HSPA5: variants seen among roughly 807,000 people sequenced by gnomAD.
The protein encoded by HSPA5 is heat shock protein family A (Hsp70) member 5.
Under a neutral mutation model 49.5 loss-of-function variants are expected in HSPA5, and 16 were observed. That is an observed-to-expected ratio of 0.32 (90% CI 0.22 to 0.49). HSPA5 has a LOEUF of 0.49. Ranked by LOEUF, HSPA5 falls within the 20% of genes least tolerant of loss-of-function variation. The probability of loss-of-function intolerance (pLI) is 0.99; values close to 1 mark genes in which losing one functional copy is unlikely to be tolerated. For synonymous variants in HSPA5, 271 were observed against 307.2 expected, an observed-to-expected ratio of 0.88 and a Z score of 1.23; for missense variants, 376 against 819.0, an observed-to-expected ratio of 0.46 and a Z score of 6.60.
chr9:125,237,876 C>T (rs1444757833), intron 7 of HSPA5, among the ~76,000 whole-genome samples: 1 of 151,826 alleles, frequency 6.6e-6, no homozygotes, highest in Non-Finnish European at 1.5e-5. Flanking sequence ...TGGAGGCAGG[C>T]AGATGACCTG....
rs571514817 is a variant in HSPA5, at chr9:125,240,450, T to C, written c.355-141A>G. On this transcript the variant is annotated intron_variant, in intron 2 of 7. Transcript: ENST00000324460. The surrounding 1 kb of genome is among the most constrained non-coding windows in gnomAD (Gnocchi z 4.4). ...CTAGAAATACTTCAGGGAGTATAGG[T>C]GTCTTACAAAGTTCAGTTTTAATCG... 86 of 783,194 alleles carry C rather than the reference T, an allele frequency of 1.1e-4. 1 individual carries two copies. In the African/African-American group the frequency reaches 1.5e-3, roughly 13 times the overall value. The allele number at this position is 783,194 out of a possible 1,614,324, so 48.5% of individuals were successfully genotyped here. A position where few individuals can be genotyped will look rare whatever the true frequency, so the allele number is the denominator to read the frequency against.
At position 125,241,159 on chromosome 9, in the gene HSPA5, C is replaced by T. The variant is rs1475147053; in HGVS notation, c.-33G>A. On this transcript the variant is annotated 5_prime_UTR_variant, in exon 1 of 8. Coordinates refer to ENST00000324460, the MANE Select transcript of HSPA5 (RefSeq NM_005347.5). Reference sequence around the variant, plus strand: ...GCCAGTTGGGCAGCAGCAGGCAGTCCAGCCACAGGCCGTAGCACAGGAGCA... The same window carrying T: ...GCCAGTTGGGCAGCAGCAGGCAGTCTAGCCACAGGCCGTAGCACAGGAGCA... 6.2e-7 allele frequency: 1 copy of T among 1,600,614 alleles called. No individual in the cohort carries two copies. Among genetic ancestry groups the T allele is most frequent in the Non-Finnish European group, 8.5e-7 (1 of 1,174,756 alleles).
chr9:125,238,330 C>CT, intron 6 of HSPA5, 22 bp from the exon 7 acceptor site: 1 of 1,604,490 alleles, frequency 6.2e-7, no homozygotes, highest in East Asian at 2.2e-5. Flanking sequence ...AGTTATTTAA[C>CT]TTTTAATTCA....
chr9:125,239,035 G>A lies in HSPA5; in HGVS notation c.902C>T (p.Ser301Phe). The A allele has an allele frequency of 6.2e-7, 1 of 1,614,164 alleles. No individual in the cohort carries two copies. The highest frequency in any genetic ancestry group is 2.2e-5 in the East Asian group (1 of 44,874). The change falls in exon 5 of 8, where the codon TCT (serine) becomes TTT (phenylalanine). Residue 301 changes from serine to phenylalanine, a missense_variant. By Grantham distance (155) the Ser-to-Phe change is radical. This residue lies in a region of HSPA5 where 89 missense variants were observed against 155.9 expected (regional missense o/e 0.57). Transcript: ENST00000324460. The surrounding 1 kb of genome is among the most constrained non-coding windows in gnomAD (Gnocchi z 5.5). ...AATTTCAATTCTTGCTTGATGCTGA[G>A]AAGACAGGGCCCGTTTGGCCTTTTC... Reference protein sequence around the residue: ...EVEKAKRALSSQHQARIEIES... With the variant: ...EVEKAKRALSFQHQARIEIES...
In HSPA5 at chr9:125,240,836, T is replaced by A. The variant is rs377512653; in HGVS notation, c.194A>T (p.Tyr65Phe). Residue 65 changes from tyrosine to phenylalanine, a missense_variant, in exon 2 of 8, where the codon TAT becomes TTT. Physicochemically the swap from Tyr to Phe is conservative, Grantham distance 22. Around this residue, in one of 8 missense-constraint regions of HSPA5, gnomAD observed 89 missense variants for 200.0 expected, o/e 0.44. Coordinates refer to ENST00000324460, the MANE Select transcript of HSPA5 (RefSeq NM_005347.5). The surrounding 1 kb of genome is among the most constrained non-coding windows in gnomAD (Gnocchi z 4.4). The part of the protein sequence containing the change: ...NDQGNRITPS[Y>F]VAFTPEGERL... ...TTCCCCTTCAGGAGTGAAGGCGACA[T>A]AGGACGGCGTGATGCGGTTGCCCTG... 11 of 1,614,062 alleles carry A rather than the reference T, an allele frequency of 6.8e-6. No homozygotes were observed. Among genetic ancestry groups the A allele is most frequent in the Non-Finnish European group, 9.3e-6 (11 of 1,180,038 alleles).
rs1326845444 is a variant in HSPA5 at position 125,241,207 on chromosome 9, G to A, written c.-81C>T. The A allele has an allele frequency of 7.2e-5, 109 of 1,511,004 alleles. No individual in the cohort carries two copies. Among genetic ancestry groups the A allele is most frequent in the Non-Finnish European group, 9.3e-5 (105 of 1,125,984 alleles). 93.6% of individuals were successfully genotyped at this position (1,511,004 alleles called of 1,614,324 possible). Reference sequence around the variant, plus strand: ...GCACAGCGCAATTTCCGACTTGCAGGCGGCAGGGGCCCGGGGTCACAAGGC... The same window carrying A: ...GCACAGCGCAATTTCCGACTTGCAGACGGCAGGGGCCCGGGGTCACAAGGC... On this transcript the variant is annotated 5_prime_UTR_variant, in exon 1 of 8. Transcript: ENST00000324460.
rs887012804 is a variant in HSPA5, at chr9:125,235,111, A to C, written c.*1481T>G. 6.6e-6 allele frequency: 1 copy of C among 152,134 alleles called. No homozygotes were observed. The highest frequency in any genetic ancestry group is 2.4e-5 in the African/African-American group (1 of 41,424). The allele number at this position is 152,134 out of a possible 1,614,324, so 9.4% of individuals were successfully genotyped here. On this transcript the variant is annotated 3_prime_UTR_variant, in exon 8 of 8. Transcript: ENST00000324460. ...TGCAGCTGAGGCCTAGGTCTAATTA[A>C]GAGTTTGGTGTTGGGATCCAGTTCT...
In HSPA5 at chr9:125,234,880, A is replaced by G. The variant is rs1832465676; in HGVS notation, c.*1712T>C. The G allele has an allele frequency of 6.6e-6, 1 of 152,100 alleles. No homozygotes were observed. The allele number at this position is 152,100 out of a possible 1,614,324, so 9.4% of individuals were successfully genotyped here. ...GAAGTCTATCTTTTTAATATTCAGTAACAGCTCCTCAGAAAGAGTTACAGA... is the reference window on the plus strand; with the variant it reads ...GAAGTCTATCTTTTTAATATTCAGTGACAGCTCCTCAGAAAGAGTTACAGA... On this transcript the variant is annotated 3_prime_UTR_variant, in exon 8 of 8. Transcript: ENST00000324460.
Position 125,241,258 on chromosome 9 carries a change from C to G in HSPA5, c.-132G>C. 9.6e-7 allele frequency: 1 copy of G among 1,045,162 alleles called. No homozygotes were observed. Among genetic ancestry groups the G allele is most frequent in the Non-Finnish European group, 1.4e-6 (1 of 722,770 alleles). The allele number at this position is 1,045,162 out of a possible 1,614,324, so 64.7% of individuals were successfully genotyped here. A position where few individuals can be genotyped will look rare whatever the true frequency, so the allele number is the denominator to read the frequency against. The stretch of plus-strand genomic sequence containing the variant: ...GCCACGAACCAGGCGAAGGGCAGGT[C>G]TAGAAATACAGGCCGCGGCGCTTCC... On this transcript the variant is annotated 5_prime_UTR_variant, in exon 1 of 8. Transcript: ENST00000324460.
Position 125,237,092 on chromosome 9 carries a change from G to T in HSPA5, c.1465C>A (p.Pro489Thr). The change falls in exon 8 of 8, where the codon CCT becomes ACT. Residue 489 changes from proline to threonine, a missense_variant. Around this residue, in one of 8 missense-constraint regions of HSPA5, gnomAD observed 71 missense variants for 169.9 expected, o/e 0.42. Transcript: ENST00000324460. Reference protein sequence around the residue: ...LGTFDLTGIPPAPRGVPQIEV... With the variant: ...LGTFDLTGIPTAPRGVPQIEV... ...ATCTGTGGGACCCCACGAGGAGCAG[G>T]AGGAATTCCAGTCAGATCAAATGTA... 1 of 1,613,628 alleles carries T rather than the reference G, an allele frequency of 6.2e-7. No homozygotes were observed. Among genetic ancestry groups the T allele is most frequent in the Non-Finnish European group, 8.5e-7 (1 of 1,179,632 alleles).
rs765533290 is a variant in HSPA5, at chr9:125,240,254, G to A, written c.410C>T (p.Thr137Ile). 6.2e-7 allele frequency: 1 copy of A among 1,611,466 alleles called. No individual in the cohort carries two copies. Among genetic ancestry groups the A allele is most frequent in the Non-Finnish European group, 8.5e-7 (1 of 1,178,032 alleles). Residue 137 changes from threonine to isoleucine, a missense_variant, in exon 3 of 8, where the codon ACA becomes ATA. Physicochemically the swap from Thr to Ile is moderately conservative, Grantham distance 89 (BLOSUM62 -1). Coordinates refer to ENST00000324460, the MANE Select transcript of HSPA5 (RefSeq NM_005347.5). The surrounding 1 kb of genome is among the most constrained non-coding windows in gnomAD (Gnocchi z 4.4). Reference protein sequence around the residue: ...YIQVDIGGGQTKTFAPEEISA... With the variant: ...YIQVDIGGGQIKTFAPEEISA... ...AATTTCTTCAGGAGCAAATGTCTTT[G>A]TTTGCCCACCTCCAATATCAACTTG...
chr9:125,241,139 T>C lies in HSPA5; in HGVS notation c.-13A>G, dbSNP rs930251940. ...GGGAGAGCTTCATCTTGCCAGCCAG[T>C]TGGGCAGCAGCAGGCAGTCCAGCCA... On this transcript the variant is annotated 5_prime_UTR_variant, in exon 1 of 8. Coordinates refer to ENST00000324460, the MANE Select transcript of HSPA5 (RefSeq NM_005347.5). The C allele has an allele frequency of 1.9e-6, 3 of 1,608,850 alleles. No individual in the cohort carries two copies. Among genetic ancestry groups the C allele is most frequent in the Non-Finnish European group, 8.5e-7 (1 of 1,178,202 alleles).
Position 125,241,002 on chromosome 9 carries a change from T to TA in HSPA5, c.122+2dup. ...GTCCCCCTGCATCCGCAACCCCACTTACCAGGAGTAGGTGGTCCCCAGGTC... is the reference window on the plus strand; with the variant it reads ...GTCCCCCTGCATCCGCAACCCCACTTAACCAGGAGTAGGTGGTCCCCAGGTC... On this transcript the variant is annotated splice_region_variant and intron_variant, in intron 1 of 7. Coordinates refer to ENST00000324460, the MANE Select transcript of HSPA5 (RefSeq NM_005347.5). 6.2e-7 allele frequency: 1 copy of TA among 1,613,014 alleles called. No homozygotes were observed. Among genetic ancestry groups the TA allele is most frequent in the Non-Finnish European group, 8.5e-7 (1 of 1,179,456 alleles).
At position 125,240,598 on chromosome 9, in the gene HSPA5, CTT is replaced by C. The variant is rs1832551911; in HGVS notation, c.354+76_354+77del. Reference sequence around the variant, plus strand: ...ATAACCTTCAACTGTTGTCTCAACACTTTTCCAGAGACTTATAACTCTAAATA... The same window carrying C: ...ATAACCTTCAACTGTTGTCTCAACACTTCCAGAGACTTATAACTCTAAATA... On this transcript the variant is annotated intron_variant, in intron 2 of 7. Coordinates refer to ENST00000324460, the MANE Select transcript of HSPA5 (RefSeq NM_005347.5). The surrounding 1 kb of genome is among the most constrained non-coding windows in gnomAD (Gnocchi z 4.4). The C allele has an allele frequency of 3.3e-6, 4 of 1,224,498 alleles. No individual in the cohort carries two copies. Among genetic ancestry groups the C allele is most frequent in the Non-Finnish European group, 4.7e-6 (4 of 844,908 alleles). The allele number at this position is 1,224,498 out of a possible 1,614,324, so 75.9% of individuals were successfully genotyped here.
rs1832497524 is a variant in HSPA5, at chr9:125,236,532, T to C, written c.*60A>G. On this transcript the variant is annotated 3_prime_UTR_variant, in exon 8 of 8. Coordinates refer to ENST00000324460, the MANE Select transcript of HSPA5 (RefSeq NM_005347.5). Reference sequence around the variant, plus strand: ...TCGAGACTTAAGTTCTTTCAATTTTTTCCTAACAAAAGTTCCTGAGTCCAG... The same window carrying C: ...TCGAGACTTAAGTTCTTTCAATTTTCTCCTAACAAAAGTTCCTGAGTCCAG... The C allele has an allele frequency of 8.1e-7, 1 of 1,241,228 alleles. No homozygotes were observed. The highest frequency in any genetic ancestry group is 1.1e-6 in the Non-Finnish European group (1 of 891,014). 76.9% of individuals were successfully genotyped at this position (1,241,228 alleles called of 1,614,324 possible). A position where few individuals can be genotyped will look rare whatever the true frequency, so the allele number is the denominator to read the frequency against.
rs377512653 is a variant in HSPA5, at chr9:125,240,836, T to C, written c.194A>G (p.Tyr65Cys). The change falls in exon 2 of 8, where the codon TAT (tyrosine) becomes TGT (cysteine). Residue 65 changes from tyrosine to cysteine, a missense_variant. By Grantham distance (194) the Tyr-to-Cys change is radical. This residue lies in a region of HSPA5 where 89 missense variants were observed against 200.0 expected (regional missense o/e 0.44). Coordinates refer to ENST00000324460, the MANE Select transcript of HSPA5 (RefSeq NM_005347.5). This position sits in a 1 kb window ranked among gnomAD's most constrained non-coding sequence, Gnocchi z 4.4. ...NDQGNRITPSYVAFTPEGERL... is the reference protein window; with the variant it reads ...NDQGNRITPSCVAFTPEGERL... ...TTCCCCTTCAGGAGTGAAGGCGACA[T>C]AGGACGGCGTGATGCGGTTGCCCTG... is the stretch of plus-strand genomic sequence containing the variant. 2.5e-6 allele frequency: 4 copies of C among 1,614,180 alleles called. No individual in the cohort carries two copies. Among genetic ancestry groups the C allele is most frequent in the Admixed American group, 1.7e-5 (1 of 60,022 alleles).
Position 125,238,216 on chromosome 9 carries a change from C to T in HSPA5, c.1327G>A (p.Val443Met), listed in dbSNP as rs763135186. ...AAGATCTGAGACTTCTTGGTAGGCA[C>T]CACTGTGTTCCTTGGAATCAGTTTG... The part of the protein sequence containing the change: ...MTKLIPRNTV[V>M]PTKKSQIFST... The change falls in exon 7 of 8, where the codon GTG (valine) becomes ATG (methionine). Residue 443 changes from valine (V) to methionine (M), a missense_variant. Coordinates refer to ENST00000324460, the MANE Select transcript of HSPA5 (RefSeq NM_005347.5). 1 of 1,613,842 alleles carries T rather than the reference C, an allele frequency of 6.2e-7. No homozygotes were observed. Among genetic ancestry groups the T allele is most frequent in the Non-Finnish European group, 8.5e-7 (1 of 1,179,710 alleles).
At position 125,241,292 on chromosome 9, in the gene HSPA5, C is replaced by T; in HGVS notation, c.-166G>A. ...CAGGCCGCGGCGCTTCCCTCTCACACTCGCGAAACACCCCAATAGGTCAAT... is the reference window on the plus strand; with the variant it reads ...CAGGCCGCGGCGCTTCCCTCTCACATTCGCGAAACACCCCAATAGGTCAAT... On this transcript the variant is annotated 5_prime_UTR_variant, in exon 1 of 8. The change creates a new upstream start codon in the 5' untranslated region. Coordinates refer to ENST00000324460, the MANE Select transcript of HSPA5 (RefSeq NM_005347.5). 2.8e-6 allele frequency: 2 copies of T among 722,868 alleles called. No homozygotes were observed. The highest frequency in any genetic ancestry group is 2.7e-5 in the East Asian group (1 of 37,096). The allele number at this position is 722,868 out of a possible 1,614,324, so 44.8% of individuals were successfully genotyped here. A position where few individuals can be genotyped will look rare whatever the true frequency, so the allele number is the denominator to read the frequency against.
At position 125,241,057 on chromosome 9, in the gene HSPA5, T is replaced by C. The variant is rs1223996848; in HGVS notation, c.70A>G (p.Lys24Glu). The C allele has an allele frequency of 3.7e-6, 6 of 1,613,886 alleles. No individual in the cohort carries two copies. The highest frequency in any genetic ancestry group is 1.7e-5 in the Admixed American group (1 of 60,012). ...CCGACCACCGTGCCCACGTCCTCCTTCTTGTCCTCCTCCTCGGCCCGCGCC... is the reference window on the plus strand; with the variant it reads ...CCGACCACCGTGCCCACGTCCTCCTCCTTGTCCTCCTCCTCGGCCCGCGCC... ...SAARAEEEDK[K>E]EDVGTVVGID... The change falls in exon 1 of 8, where the codon AAG becomes GAG. Residue 24 changes from lysine (K) to glutamate (E), a missense_variant. By Grantham distance (56) the Lys-to-Glu change is moderately conservative (BLOSUM62 1). Around this residue, in one of 8 missense-constraint regions of HSPA5, gnomAD observed 29 missense variants for 38.7 expected, o/e 0.75. Coordinates refer to ENST00000324460, the MANE Select transcript of HSPA5 (RefSeq NM_005347.5).
Sources: gnomAD v4.1 joint callset for allele counts (sites outside exome capture counted in the v4.1 genomes callset) on GRCh38, gnomAD v4.1.1 for gene constraint, gnomAD v4.1.1 regional missense constraint, Gnocchi (gnomAD v3.1) non-coding constraint, MANE v1.5 for transcripts, NCBI Gene and HGNC (gene_info 2026-07-23, HGNC 2026-07-21) for gene names.